The following GTF2H5 variants were observed in gnomAD, a reference collection of about 807,000 sequenced individuals.
GTF2H5 encodes general transcription factor IIH subunit 5, also known as TFB5 ortholog.
A neutral mutation model predicts 7.1 loss-of-function variants in GTF2H5; 5 were observed. The ratio of observed to expected loss-of-function variants is 0.71; its 90% CI spans 0.37 to 1.49. GTF2H5 has a LOEUF of 1.49. Ranked by LOEUF, GTF2H5 falls within the 40% of genes most tolerant of loss-of-function variation. The probability of loss-of-function intolerance (pLI) is 0.03; values close to 1 mark genes in which losing one functional copy is unlikely to be tolerated. For synonymous variants in GTF2H5, 30 were observed against 31.7 expected (o/e 0.95, Z 0.18); for missense variants, 80 against 83.0 (o/e 0.96, Z 0.14).
rs1422946377 is a variant in GTF2H5 at position 158,197,498 on chromosome 6, G to A, written c.*5341G>A. ...AAATACAAAACAATGGCTACCAAGA[G>A]GTGGAAGTGGCCCAGTCACAGCAAG... On this transcript the variant is annotated 3_prime_UTR_variant, in exon 3 of 3. Coordinates refer to ENST00000607778, the MANE Select transcript of GTF2H5 (RefSeq NM_207118.3). 1 of 152,182 alleles carries A rather than the reference G, an allele frequency of 6.6e-6. No homozygotes were observed. Among genetic ancestry groups the A allele is most frequent in the Non-Finnish European group, 1.5e-5 (1 of 68,038 alleles). The allele number at this position is 152,182 out of a possible 1,614,324, so 9.4% of individuals were successfully genotyped here.
At chr6:158,189,435 C>T (rs1385110127) in intron 2 of GTF2H5, among the ~76,000 whole-genome samples, 1 of 152,138 alleles carries the variant, frequency 6.6e-6, no homozygotes, top group Non-Finnish European at 1.5e-5. Flanking sequence ...CTTTAGATAC[C>T]CTGTTCTCCC....
At chr6:158,172,323 T>C (rs725208) in intron 2 of GTF2H5, among the ~76,000 whole-genome samples, 14,576 of 152,076 alleles carry the variant, frequency 0.096, 2,344 homozygotes, top group African/African-American at 0.33. Context: ...CTTCTTTTTT[T>C]TTTTTTTGAC....
rs1777121018 is a variant in GTF2H5 at position 158,196,850 on chromosome 6, A to G, written c.*4693A>G. 6.6e-6 allele frequency: 1 copy of G among 152,272 alleles called. No individual in the cohort carries two copies. Among genetic ancestry groups the G allele is most frequent in the East Asian group, 1.9e-4 (1 of 5,208 alleles). 9.4% of individuals were successfully genotyped at this position (152,272 alleles called of 1,614,324 possible). A position where few individuals can be genotyped will look rare whatever the true frequency, so the allele number is the denominator to read the frequency against. ...GACCATGCCACTTCGTGAGGAAAAA[A>G]TTATCTCATTCATGCCCTACTTGAA... On this transcript the variant is annotated 3_prime_UTR_variant, in exon 3 of 3. Coordinates refer to ENST00000607778, the MANE Select transcript of GTF2H5 (RefSeq NM_207118.3).
At chr6:158,181,974 G>A (rs1428701929) in intron 2 of GTF2H5, among the ~76,000 whole-genome samples, 1 of 152,136 alleles carries the variant, frequency 6.6e-6, no homozygotes, top group Non-Finnish European at 1.5e-5. Context: ...TAGCATCGAT[G>A]GTCTTTACAA....
At chr6:158,171,987 C>G (rs543070973) in intron 2 of GTF2H5, among the ~76,000 whole-genome samples, 12 of 152,280 alleles carry the variant, frequency 7.9e-5, no homozygotes, top group African/African-American at 2.6e-4. Context: ...ACATTTTCCT[C>G]GTTGGCCTTT....
At chr6:158,176,236 G>GTT (rs1028813850) in intron 2 of GTF2H5, among the ~76,000 whole-genome samples, 14 of 148,390 alleles carry the variant, frequency 9.4e-5, no homozygotes, top group African/African-American at 3.5e-4. Context: ...GTTTGCTTTT[G>GTT]TTTTTTTTTT....
chr6:158,185,765 T>G (rs1273625887), intron 2 of GTF2H5, among the ~76,000 whole-genome samples: 1 of 151,976 alleles, frequency 6.6e-6, no homozygotes, highest in Admixed American at 6.6e-5. Context: ...CCCAACACTT[T>G]TGGAGGCCGA....
At chr6:158,170,668 C>A in intron 2 of GTF2H5, 130 bp downstream of exon 2, 1 of 733,792 alleles carries the variant, frequency 1.4e-6, no homozygotes, top group Non-Finnish European at 2.4e-6. Flanking sequence ...TAACAAGTGG[C>A]ACAGATTTTG....
chr6:158,178,134 A>G (rs1325178923), intron 2 of GTF2H5, among the ~76,000 whole-genome samples: 1 of 152,138 alleles, frequency 6.6e-6, no homozygotes, highest in Non-Finnish European at 1.5e-5. Context: ...TAGATCCTTA[A>G]GGAATCGCCA....
chr6:158,171,876 G>T (rs989746576), intron 2 of GTF2H5, among the ~76,000 whole-genome samples: 1 of 152,156 alleles, frequency 6.6e-6, no homozygotes, highest in Non-Finnish European at 1.5e-5. Context: ...AGCAAAGGGG[G>T]TGGGATCTGG....
At chr6:158,170,839 T>G (rs1169569222) in intron 2 of GTF2H5, among the ~76,000 whole-genome samples, 1 of 152,178 alleles carries the variant, frequency 6.6e-6, no homozygotes, top group East Asian at 1.9e-4. Flanking sequence ...TTCAGGAACT[T>G]GCTTAAGTCT....
At chr6:158,169,262 A>T (rs986868532) in intron 1 of GTF2H5, among the ~76,000 whole-genome samples, 5 of 131,332 alleles carry the variant, frequency 3.8e-5, no homozygotes, top group Non-Finnish European at 7.8e-5. Flanking sequence ...TATATATATT[A>T]TATATGTATT....
At chr6:158,173,433 G>T (rs1256193767) in intron 2 of GTF2H5, among the ~76,000 whole-genome samples, 1 of 152,192 alleles carries the variant, frequency 6.6e-6, no homozygotes, top group Non-Finnish European at 1.5e-5. Context: ...CAGATGTTAG[G>T]ATGGTAACTG....
chr6:158,177,142 AT>A (rs1409114653), intron 2 of GTF2H5, among the ~76,000 whole-genome samples: 1 of 152,194 alleles, frequency 6.6e-6, no homozygotes, highest in Non-Finnish European at 1.5e-5. Context: ...ACAGTAAATC[AT>A]TTGATAGGGA....
At chr6:158,183,260 G>A (rs1196192024) in intron 2 of GTF2H5, among the ~76,000 whole-genome samples, 9 of 152,168 alleles carry the variant, frequency 5.9e-5, no homozygotes, top group Non-Finnish European at 1.2e-4. Flanking sequence ...AAGCTTCATC[G>A]TAGAGGGGCA....
chr6:158,188,838 G>T (rs747724652), intron 2 of GTF2H5, among the ~76,000 whole-genome samples: 3 of 151,964 alleles, frequency 2.0e-5, no homozygotes, highest in African/African-American at 7.3e-5. Flanking sequence ...CTTATATGCC[G>T]ATTTTTCCTT....
chr6:158,186,768 G>A (rs2128431356), intron 2 of GTF2H5, among the ~76,000 whole-genome samples: 3 of 152,308 alleles, frequency 2.0e-5, no homozygotes, highest in Middle Eastern at 6.8e-3. Flanking sequence ...ACAACTCAAA[G>A]CAAGGGGAAT....
rs1484891292 is a variant in GTF2H5 at position 158,169,424 on chromosome 6, A to T, written c.-35+1029A>T. 6.8e-4 allele frequency among the ~76,000 whole-genome samples: 52 copies of T among 76,666 alleles called. 1 individual carries two copies. Among genetic ancestry groups the T allele is most frequent in the East Asian group, 1.8e-3 (4 of 2,164 alleles). 50.3% of individuals were successfully genotyped at this position (76,666 alleles called of 152,430 possible). On this transcript the variant is annotated intron_variant, in intron 1 of 2. Coordinates refer to ENST00000607778, the MANE Select transcript of GTF2H5 (RefSeq NM_207118.3). ...ATATTGTATATTATATATTATATAT[A>T]ATATATTGTATATTATATATATTAT... is the stretch of plus-strand genomic sequence containing the variant.
At chr6:158,178,790 C>T (rs1318121985) in intron 2 of GTF2H5, among the ~76,000 whole-genome samples, 2 of 152,182 alleles carry the variant, frequency 1.3e-5, no homozygotes, top group Non-Finnish European at 2.9e-5. Flanking sequence ...ATCTCCCATT[C>T]TGTAGGTTGC....
Sources: allele counts gnomAD v4.1 joint callset (sites outside exome capture counted in the v4.1 genomes callset), GRCh38; gene constraint gnomAD v4.1.1; transcripts MANE v1.5; gene names NCBI Gene and HGNC (gene_info 2026-07-23, HGNC 2026-07-21).